The following PID1 variants were observed in gnomAD, a reference collection of about 807,000 sequenced individuals.
PID1 encodes phosphotyrosine interaction domain containing 1, also known as PTB-containing, cubilin and LRP1-interacting protein.
PID1 carries 10 observed loss-of-function variants against 19.1 expected under a neutral mutation model. The observed-to-expected ratio is 0.52, with a 90% confidence interval of 0.32 to 0.89. The LOEUF (loss-of-function observed/expected upper bound fraction) is 0.89. PID1 is among the 40% of genes least tolerant of loss of function. The probability of loss-of-function intolerance (pLI) is 0.03; values close to 1 mark genes in which losing one functional copy is unlikely to be tolerated. For synonymous variants in PID1, 130 were observed against 116.0 expected (o/e 1.12, Z -0.78); for missense variants, 248 against 285.3 (o/e 0.87, Z 0.94).
chr2:229,086,532 C>T (rs1168016531), intron 2 of PID1, among the ~76,000 whole-genome samples: 1 of 152,108 alleles, frequency 6.6e-6, no homozygotes, highest in Non-Finnish European at 1.5e-5. Flanking sequence ...TAAGTCAGGA[C>T]CTTCTGCATT....
chr2:229,133,738 C>T (rs1045934343), intron 2 of PID1, among the ~76,000 whole-genome samples: 1 of 151,994 alleles, frequency 6.6e-6, no homozygotes, highest in Non-Finnish European at 1.5e-5. Context: ...GTTTTTCAAT[C>T]TCAGAATTAT....
At chr2:229,230,479 T>C (rs1424612971) in intron 1 of PID1, among the ~76,000 whole-genome samples, 3 of 152,248 alleles carry the variant, frequency 2.0e-5, no homozygotes, top group Non-Finnish European at 4.4e-5. Context: ...AGCTTGTTTA[T>C]CTCTTTTACA....
rs16825814 is a variant in PID1 at position 229,172,026 on chromosome 2, G to T, written c.31-16062C>A. The stretch of plus-strand genomic sequence containing the variant: ...TTTCCTTGGACAGAAAGGGCTCTGT[G>T]CCTGCAGTATCATAGGGAGCTGTGC... On this transcript the variant is annotated intron_variant, in intron 1 of 2. Transcript: ENST00000392055. 8.4e-3 allele frequency among the ~76,000 whole-genome samples: 1,284 copies of T among 152,236 alleles called. 15 individuals carry two copies. Among genetic ancestry groups the T allele is most frequent in the African/African-American group, 0.03 (1,240 of 41,546 alleles).
intron 1 of PID1, among the ~76,000 whole-genome samples, chr2:229,185,286 G>A (rs570649855): frequency 2.0e-5 from 3 of 151,844 alleles, no homozygotes; most frequent in Admixed American, 6.6e-5. Flanking sequence ...GCATCTGTCC[G>A]CCAAGACTCC....
At chr2:229,081,372 T>C (rs1694666256) in intron 2 of PID1, among the ~76,000 whole-genome samples, 1 of 152,162 alleles carries the variant, frequency 6.6e-6, no homozygotes, top group Non-Finnish European at 1.5e-5. Flanking sequence ...CAACATAAAA[T>C]GTACAGTGCT....
intron 1 of PID1, among the ~76,000 whole-genome samples, chr2:229,201,866 T>C (rs1163482198): frequency 6.6e-6 from 1 of 152,032 alleles, no homozygotes; most frequent in Admixed American, 6.6e-5. Flanking sequence ...CGCATTTTCC[T>C]TATAATAAAC....
chr2:229,196,977 G>GT (rs145498763), intron 1 of PID1, among the ~76,000 whole-genome samples: 16,564 of 151,918 alleles, frequency 0.11, 1,208 homozygotes, highest in East Asian at 0.43. Flanking sequence ...AGACAAAAAA[G>GT]TAAGACAGTA....
At position 229,056,161 on chromosome 2, in the gene PID1, T is replaced by C. The variant is rs6737110; in HGVS notation, c.178-30053A>G. Among the ~76,000 whole-genome samples, 343 of 152,288 alleles carry C rather than the reference T, an allele frequency of 2.3e-3. 1 individual carries two copies. The highest frequency in any genetic ancestry group is 7.7e-3 in the African/African-American group (322 of 41,552). On this transcript the variant is annotated intron_variant, in intron 2 of 2. Transcript: ENST00000392055. Reference sequence around the variant, plus strand: ...TCTCAAGAATGTTTTTCATAGCTCCTGGATCCAGATTAGCCAAGAGATAAG... The same window carrying C: ...TCTCAAGAATGTTTTTCATAGCTCCCGGATCCAGATTAGCCAAGAGATAAG...
At chr2:229,036,956 ACAGTC>A (rs2106170472) in intron 2 of PID1, among the ~76,000 whole-genome samples, 1 of 152,268 alleles carries the variant, frequency 6.6e-6, no homozygotes, top group African/African-American at 2.4e-5. Context: ...TCTGACTTTA[ACAGTC>A]TGTTTTGGTT....
chr2:229,222,795 G>C (rs1219312678), intron 1 of PID1, among the ~76,000 whole-genome samples: 1 of 151,344 alleles, frequency 6.6e-6, no homozygotes, highest in Non-Finnish European at 1.5e-5. Flanking sequence ...AGCTCTGCTG[G>C]GTCCGGATTT....
At chr2:229,172,312 C>CA (rs1294741834) in intron 1 of PID1, among the ~76,000 whole-genome samples, 2 of 152,210 alleles carry the variant, frequency 1.3e-5, no homozygotes, top group East Asian at 3.9e-4. Context: ...AAGAAAGTAC[C>CA]AAAAACCAGG....
chr2:229,151,713 G>A (rs768673291), intron 2 of PID1, among the ~76,000 whole-genome samples: 4 of 151,938 alleles, frequency 2.6e-5, no homozygotes, highest in Non-Finnish European at 5.9e-5. Context: ...TGCGACGACA[G>A]GTGCCCACCA....
At chr2:229,217,370 A>G (rs766963293) in intron 1 of PID1, among the ~76,000 whole-genome samples, 1 of 152,212 alleles carries the variant, frequency 6.6e-6, no homozygotes, top group Non-Finnish European at 1.5e-5. Flanking sequence ...GCCTTTCTGG[A>G]GAGAAAACAG....
At chr2:229,061,771 C>A (rs1574596337) in intron 2 of PID1, among the ~76,000 whole-genome samples, 1 of 151,874 alleles carries the variant, frequency 6.6e-6, no homozygotes, top group Non-Finnish European at 1.5e-5. Context: ...ATGTTGTCCA[C>A]AATTTCTTTC....
chr2:229,067,040 G>C (rs1694341688), intron 2 of PID1, among the ~76,000 whole-genome samples: 1 of 152,078 alleles, frequency 6.6e-6, no homozygotes, highest in Non-Finnish European at 1.5e-5. Context: ...AGTTCTGCAG[G>C]GCTAGGGAGG....
chr2:229,120,511 T>C (rs993885215), intron 2 of PID1, among the ~76,000 whole-genome samples: 1 of 151,750 alleles, frequency 6.6e-6, no homozygotes, highest in East Asian at 1.9e-4. Flanking sequence ...CTTGCTGTCT[T>C]AGGGGTTGGT....
At chr2:229,166,285 T>C (rs1476678915) in intron 1 of PID1, among the ~76,000 whole-genome samples, 1 of 152,140 alleles carries the variant, frequency 6.6e-6, no homozygotes, top group Non-Finnish European at 1.5e-5. Flanking sequence ...TGAGAGGAGA[T>C]CAGTTGTTGC....
At chr2:229,057,590 A>G (rs774613384) in intron 2 of PID1, among the ~76,000 whole-genome samples, 2 of 105,302 alleles carry the variant, frequency 1.9e-5, no homozygotes, top group Admixed American at 2.0e-4. Flanking sequence ...TACTGTGATA[A>G]CTAAAATTAT....
chr2:229,073,237 G>C (rs1322515687), intron 2 of PID1, among the ~76,000 whole-genome samples: 1 of 152,142 alleles, frequency 6.6e-6, no homozygotes, highest in Non-Finnish European at 1.5e-5. Context: ...ATGTTAGCCA[G>C]GATGGTCTCG....
Sources: gnomAD v4.1 joint callset for allele counts (sites outside exome capture counted in the v4.1 genomes callset) on GRCh38, gnomAD v4.1.1 for gene constraint, MANE v1.5 for transcripts, NCBI Gene and HGNC (gene_info 2026-07-23, HGNC 2026-07-21) for gene names.